The following SLC5A11 variants were observed in gnomAD, a reference collection of about 807,000 sequenced individuals.
SLC5A11 encodes solute carrier family 5 member 11, also known as sodium/myo-inositol cotransporter 2.
A neutral mutation model predicts 69.8 loss-of-function variants in SLC5A11; 48 were observed. The ratio of observed to expected loss-of-function variants is 0.69; its 90% CI spans 0.55 to 0.87. The LOEUF is 0.87. Ranked by LOEUF, SLC5A11 falls within the 40% of genes least tolerant of loss-of-function variation. The pLI, the probability that SLC5A11 is intolerant of heterozygous loss-of-function variation, is 0.00. For synonymous variants in SLC5A11, 319 were observed against 342.4 expected, an observed-to-expected ratio of 0.93 and a Z score of 0.75; for missense variants, 784 against 866.1, an observed-to-expected ratio of 0.91 and a Z score of 1.19.
intron 7 of SLC5A11, among the ~76,000 whole-genome samples, chr16:24,880,644 C>T (rs117324163): frequency 6.6e-6 from 1 of 152,204 alleles, no homozygotes; most frequent in East Asian, 1.9e-4. Flanking sequence ...TAGTGCTACA[C>T]ACTTTTAAAC....
rs1182615959 is a variant in SLC5A11, at chr16:24,849,572, C to CAAAAAAAAAAA, written c.-25+3146_-25+3156dup. Among the ~76,000 whole-genome samples the CAAAAAAAAAAA allele has an allele frequency of 2.4e-3, 92 of 38,472 alleles. 1 individual carries two copies. Among genetic ancestry groups the CAAAAAAAAAAA allele is most frequent in the African/African-American group, 3.1e-3 (26 of 8,510 alleles). The allele number at this position is 38,472 out of a possible 152,430, so 25.2% of individuals were successfully genotyped here. A position where few individuals can be genotyped will look rare whatever the true frequency, so the allele number is the denominator to read the frequency against. On this transcript the variant is annotated intron_variant, in intron 1 of 15. Coordinates refer to ENST00000347898, the Ensembl canonical transcript of SLC5A11. ...ACAGAGCGAGACTCTGCCTTGGGGG[C>CAAAAAAAAAAA]AAAAAAAAAAAAAAAAAAAAAATAT...
intron 2 of SLC5A11, among the ~76,000 whole-genome samples, chr16:24,859,752 A>G (rs550496928): frequency 2.6e-5 from 4 of 151,976 alleles, no homozygotes; most frequent in African/African-American, 7.3e-5. Flanking sequence ...TAAAAGTTGC[A>G]TAATATTTCC....
At chr16:24,907,235 G>A in intron 12 of SLC5A11, 60 bp downstream of exon 13, 1 of 1,590,718 alleles carries the variant, frequency 6.3e-7, no homozygotes, top group Non-Finnish European at 8.6e-7. Flanking sequence ...CCACCCAGAG[G>A]CAAAGTCCAG....
intron 10 of SLC5A11, 119 bp downstream of exon 11, chr16:24,898,228 C>G: frequency 4.5e-6 from 6 of 1,319,328 alleles, no homozygotes; most frequent in South Asian, 1.5e-5. Context: ...CTCTCTTTTT[C>G]TAAGACAGAG....
chr16:24,905,553 C>T (rs2049972645), intron 10 of SLC5A11, among the ~76,000 whole-genome samples: 1 of 151,732 alleles, frequency 6.6e-6, no homozygotes, highest in South Asian at 2.1e-4. Context: ...GCCTGTGAGG[C>T]TAGGGTTGCA....
chr16:24,898,252 T>A, intron 10 of SLC5A11, 143 bp downstream of exon 11: 1 of 1,200,280 alleles, frequency 8.3e-7, no homozygotes, highest in South Asian at 1.6e-5. Flanking sequence ...CATTCTGTCA[T>A]TCAGGTTGGA....
At chr16:24,884,516 T>G (rs1410377688) in intron 8 of SLC5A11, among the ~76,000 whole-genome samples, 1 of 35,408 alleles carries the variant, frequency 2.8e-5, no homozygotes, top group Non-Finnish European at 7.2e-5. Context: ...TTATTTTGTT[T>G]TTTTTTTTTT....
At chr16:24,883,377 T>A (rs991221007) in intron 7 of SLC5A11, among the ~76,000 whole-genome samples, 2 of 151,840 alleles carry the variant, frequency 1.3e-5, no homozygotes, top group South Asian at 2.1e-4. Flanking sequence ...AAAAAATAAA[T>A]AAATAAATAA....
chr16:24,905,638 GCGCACACACACACACA>G (rs1344735901), intron 10 of SLC5A11, among the ~76,000 whole-genome samples: 14 of 70,228 alleles, frequency 2.0e-4, no homozygotes, highest in African/African-American at 6.1e-4. Flanking sequence ...ACGCGCGCGC[GCGCACACACACACACA>G]CACACACACA....
chr16:24,852,707 A>AGGACGGGGCCAAG (rs2059363311), intron 1 of SLC5A11, among the ~76,000 whole-genome samples: 1 of 152,216 alleles, frequency 6.6e-6, no homozygotes, highest in African/African-American at 2.4e-5. Context: ...GAAAACCCAG[A>AGGACGGGGCCAAG]GGACGGGGCC....
intron 1 of SLC5A11, among the ~76,000 whole-genome samples, chr16:24,852,859 G>C (rs981936362): frequency 3.7e-5 from 2 of 54,040 alleles, no homozygotes; most frequent in African/African-American, 1.7e-4. Flanking sequence ...ATAAATGTTT[G>C]TTCTACTGAG....
intron 6 of SLC5A11, 141 bp from the exon 8 acceptor site, chr16:24,877,117 G>T (rs1179899677): frequency 2.7e-6 from 4 of 1,503,168 alleles, no homozygotes; most frequent in Non-Finnish European, 3.6e-6. Flanking sequence ...GGATGCAGTG[G>T]ATTAACAAGG....
At chr16:24,907,025 G>A (rs1242135177) in exon 12 of SLC5A11, 9 of 1,613,750 alleles carry the variant, frequency 5.6e-6, no homozygotes, top group South Asian at 2.2e-5. Flanking sequence ...CCGCCCCCAG[G>A]GCTCCGTGGG....
At chr16:24,903,586 G>A (rs990768370) in intron 10 of SLC5A11, among the ~76,000 whole-genome samples, 1 of 152,082 alleles carries the variant, frequency 6.6e-6, no homozygotes, top group African/African-American at 2.4e-5. Flanking sequence ...CCACATATGA[G>A]TGAGAGTATG....
At position 24,901,958 on chromosome 16, in the gene SLC5A11, G is replaced by GCGCACA. The variant is rs976595625; in HGVS notation, c.1006+3850_1006+3851insGCACAC. Among the ~76,000 whole-genome samples, 648 of 136,646 alleles carry GCGCACA rather than the reference G, an allele frequency of 4.7e-3. 3 individuals carry two copies. Among genetic ancestry groups the GCGCACA allele is most frequent in the African/African-American group, 0.017 (620 of 36,432 alleles). The allele number at this position is 136,646 out of a possible 152,430, so 89.6% of individuals were successfully genotyped here. ...CACACACACACACACACACACACACGCACACACACACACACACACACACAT... is the reference window on the plus strand; with the variant it reads ...CACACACACACACACACACACACACGCGCACACACACACACACACACACACACACAT... On this transcript the variant is annotated intron_variant, in intron 10 of 15. Coordinates refer to ENST00000347898, the Ensembl canonical transcript of SLC5A11.
intron 6 of SLC5A11, among the ~76,000 whole-genome samples, chr16:24,876,821 A>G (rs8051759): frequency 0.63 from 95,883 of 152,064 alleles, 30,454 homozygotes; most frequent in Non-Finnish European, 0.66. Context: ...CCAGGTACAC[A>G]TGACTTGTTG....
intron 1 of SLC5A11, among the ~76,000 whole-genome samples, chr16:24,853,113 T>C (rs1596955348): frequency 6.6e-6 from 1 of 152,018 alleles, no homozygotes; most frequent in East Asian, 1.9e-4. Context: ...TAATGTTTGT[T>C]CTACTGAGTC....
At chr16:24,848,298 C>T (rs776683330) in intron 1 of SLC5A11, among the ~76,000 whole-genome samples, 12 of 152,142 alleles carry the variant, frequency 7.9e-5, no homozygotes, top group Non-Finnish European at 1.3e-4. Context: ...CTCTGGCTTC[C>T]GTGTGAGGGG....
intron 4 of SLC5A11, among the ~76,000 whole-genome samples, chr16:24,870,470 CA>C (rs1288567377): frequency 6.7e-6 from 1 of 148,472 alleles, no homozygotes; most frequent in Non-Finnish European, 1.5e-5. Context: ...CACACAAACC[CA>C]AAAAACACAA....
Sources: gnomAD v4.1 joint callset for allele counts (sites outside exome capture counted in the v4.1 genomes callset) on GRCh38, gnomAD v4.1.1 for gene constraint, MANE v1.5 for transcripts, NCBI Gene and HGNC (gene_info 2026-07-23, HGNC 2026-07-21) for gene names.